DLG2: variants seen among roughly 807,000 people sequenced by gnomAD.
The protein encoded by DLG2 is discs large MAGUK scaffold protein 2.
A neutral mutation model predicts 132.5 loss-of-function variants in DLG2; 45 were observed. That is an observed-to-expected ratio of 0.34 (90% confidence interval 0.27 to 0.44). DLG2 has a LOEUF of 0.44. Ranked by LOEUF, DLG2 falls within the 20% of genes least tolerant of loss-of-function variation. The pLI is 1.00. For synonymous variants in DLG2, 424 were observed against 419.6 expected, an observed-to-expected ratio of 1.01 and a Z score of -0.13; for missense variants, 1,045 against 1,196.9, an observed-to-expected ratio of 0.87 and a Z score of 1.87.
At chr11:84,562,829 T>A (rs1454242311) in intron 6 of DLG2, among the ~76,000 whole-genome samples, 1 of 151,656 alleles carries the variant, frequency 6.6e-6, no homozygotes, top group East Asian at 1.9e-4. Flanking sequence ...GGCTCCCTGC[T>A]GCAGCCTCAA....
chr11:85,320,787 A>G (rs531918493), intron 3 of DLG2, among the ~76,000 whole-genome samples: 2 of 152,004 alleles, frequency 1.3e-5, no homozygotes, highest in East Asian at 1.9e-4. Context: ...GGAATGTACT[A>G]TTCATGCTCA....
intron 7 of DLG2, chr11:84,273,091 G>A (rs373824428): frequency 1.5e-6 from 2 of 1,349,218 alleles, no homozygotes; most frequent in Non-Finnish European, 9.8e-7. Flanking sequence ...AGATACAACA[G>A]GAGAAAAAGG....
At chr11:84,130,742 A>C (rs748507635) in intron 9 of DLG2, among the ~76,000 whole-genome samples, 3 of 151,938 alleles carry the variant, frequency 2.0e-5, no homozygotes, top group Non-Finnish European at 4.4e-5. Flanking sequence ...TCTCCAAAAC[A>C]GACAAAACCA....
At chr11:85,436,045 A>C (rs1451958101) in intron 3 of DLG2, among the ~76,000 whole-genome samples, 1 of 152,208 alleles carries the variant, frequency 6.6e-6, no homozygotes, top group Non-Finnish European at 1.5e-5. Flanking sequence ...AAACCTAAAA[A>C]AAACAAAAAA....
chr11:83,534,054 T>C (rs1442799231), intron 20 of DLG2, among the ~76,000 whole-genome samples: 1 of 152,090 alleles, frequency 6.6e-6, no homozygotes, highest in Non-Finnish European at 1.5e-5. Context: ...TTGGGTGGAC[T>C]CCCGCCTGTT....
chr11:85,410,584 T>C (rs2089223358), intron 3 of DLG2, among the ~76,000 whole-genome samples: 1 of 151,900 alleles, frequency 6.6e-6, no homozygotes, highest in South Asian at 2.1e-4. Context: ...TAGGATTGTG[T>C]AGTGAAAATA....
chr11:85,213,783 T>C (rs2082399815), intron 4 of DLG2, among the ~76,000 whole-genome samples: 17 of 152,106 alleles, frequency 1.1e-4, no homozygotes. Context: ...TGGAATGCCC[T>C]TGGTGGACAG....
At chr11:84,931,048 C>T (rs80232059) in intron 6 of DLG2, among the ~76,000 whole-genome samples, 5,428 of 152,158 alleles carry the variant, frequency 0.036, 128 homozygotes, top group East Asian at 0.094. Context: ...TATCTTCACC[C>T]TCACCCTCCA....
intron 6 of DLG2, among the ~76,000 whole-genome samples, chr11:84,735,903 T>C (rs991960348): frequency 6.6e-6 from 1 of 152,050 alleles, no homozygotes; most frequent in African/African-American, 2.4e-5. Context: ...CAGAAGTTTT[T>C]ATTATTGATG....
rs570153357 is a variant in DLG2 at position 83,468,215 on chromosome 11, C to T, written c.2619+986G>A. 1.6e-4 allele frequency among the ~76,000 whole-genome samples: 24 copies of T among 152,126 alleles called. No individual in the cohort carries two copies. In the East Asian group the frequency reaches 4.6e-3, roughly 29 times the overall value. On this transcript the variant is annotated intron_variant, in intron 25 of 27. Coordinates refer to ENST00000376104, the MANE Select transcript of DLG2 (RefSeq NM_001142699.3). ...TGTTCACATGAAAATGAATACAGTCCAGTGAATACTTGAAGTCTTCTTATC... is the reference window on the plus strand; with the variant it reads ...TGTTCACATGAAAATGAATACAGTCTAGTGAATACTTGAAGTCTTCTTATC...
At chr11:84,283,451 T>A (rs1004600420) in intron 7 of DLG2, among the ~76,000 whole-genome samples, 11 of 152,220 alleles carry the variant, frequency 7.2e-5, no homozygotes, top group Non-Finnish European at 7.3e-5. Context: ...GCACTATTAT[T>A]AGTGTTTATG....
At chr11:85,416,436 G>A (rs950240533) in intron 3 of DLG2, among the ~76,000 whole-genome samples, 6 of 152,154 alleles carry the variant, frequency 3.9e-5, no homozygotes, top group Middle Eastern at 3.4e-3. Flanking sequence ...CTGTTTTTTG[G>A]TTCCATATAA....
At chr11:84,890,556 C>A (rs1445207895) in intron 6 of DLG2, among the ~76,000 whole-genome samples, 4 of 152,166 alleles carry the variant, frequency 2.6e-5, no homozygotes, top group Non-Finnish European at 5.9e-5. Flanking sequence ...CCTAAACATT[C>A]TTCCCAAGTC....
intron 21 of DLG2, among the ~76,000 whole-genome samples, chr11:83,501,732 G>C (rs779300576): frequency 6.6e-6 from 1 of 152,164 alleles, no homozygotes; most frequent in Non-Finnish European, 1.5e-5. Context: ...TCCAGAGACT[G>C]ACATAACAGT....
intron 19 of DLG2, among the ~76,000 whole-genome samples, chr11:83,598,607 G>A (rs1185897689): frequency 6.6e-6 from 1 of 152,078 alleles, no homozygotes; most frequent in Non-Finnish European, 1.5e-5. Context: ...GGCTAAATGA[G>A]GTAATATACT....
chr11:84,321,657 G>A (rs901856479), intron 7 of DLG2, among the ~76,000 whole-genome samples: 1 of 152,262 alleles, frequency 6.6e-6, no homozygotes, highest in Non-Finnish European at 1.5e-5. Flanking sequence ...TCTGTAGGCT[G>A]CATCAAGAGG....
intron 4 of DLG2, among the ~76,000 whole-genome samples, chr11:85,222,040 C>G (rs998101853): frequency 3.3e-5 from 5 of 151,944 alleles, no homozygotes; most frequent in Non-Finnish European, 7.4e-5. Context: ...CGGGTTCAAG[C>G]TATTCTCCCA....
intron 6 of DLG2, among the ~76,000 whole-genome samples, chr11:84,875,849 T>G (rs568444260): frequency 9.8e-5 from 15 of 152,290 alleles, no homozygotes; most frequent in Admixed American, 2.6e-4. Context: ...GCGATTCTTC[T>G]GCCTCAGCCT....
At chr11:85,085,521 C>T (rs2067807772) in intron 6 of DLG2, among the ~76,000 whole-genome samples, 1 of 151,884 alleles carries the variant, frequency 6.6e-6, no homozygotes, top group South Asian at 2.1e-4. Flanking sequence ...CAGTGAACAT[C>T]CATAATATTT....
Sources: allele counts gnomAD v4.1 joint callset (sites outside exome capture counted in the v4.1 genomes callset), GRCh38; gene constraint gnomAD v4.1.1; transcripts MANE v1.5; gene names NCBI Gene and HGNC (gene_info 2026-07-23, HGNC 2026-07-21).